PRKDC: variants seen among roughly 807,000 people sequenced by gnomAD.
The protein encoded by PRKDC is DNA-dependent protein kinase catalytic subunit.
Under a neutral mutation model 486.9 loss-of-function variants are expected in PRKDC, and 82 were observed. The observed-to-expected ratio is 0.17, with a 90% CI of 0.14 to 0.20. PRKDC has a LOEUF of 0.20. Among genes scored for constraint, PRKDC ranks in the 10% least tolerant of loss-of-function variants. The pLI is 1.00. For synonymous variants in PRKDC, 1,895 were observed against 1,837.0 expected (o/e 1.03, Z -0.81); for missense variants, 4,504 against 5,038.2 (o/e 0.89, Z 3.21).
At position 47,774,098 on chromosome 8, in the gene PRKDC, T is replaced by C. The variant is rs2086563512; in HGVS notation, c.*75A>G. 1 of 1,412,752 alleles carries C rather than the reference T, an allele frequency of 7.1e-7. No individual in the cohort carries two copies. The highest frequency in any genetic ancestry group is 2.6e-5 in the Admixed American group (1 of 38,182). 87.5% of individuals were successfully genotyped at this position (1,412,752 alleles called of 1,614,324 possible). A position where few individuals can be genotyped will look rare whatever the true frequency, so the allele number is the denominator to read the frequency against. ...TTAGTGTTTCAGGAAAATCAGCTCA[T>C]GGAATGCTGCCAACCAAAGTATAGT... On this transcript the variant is annotated 3_prime_UTR_variant, in exon 86 of 86. Transcript: ENST00000314191.
chr8:47,840,841 T>C (rs2088124508), intron 54 of PRKDC, among the ~76,000 whole-genome samples: 1 of 152,238 alleles, frequency 6.6e-6, no homozygotes, highest in African/African-American at 2.4e-5. Context: ...TGCATGTTTA[T>C]TGCTGTGTAA....
At chr8:47,932,998 A>G (rs1481637622) in intron 16 of PRKDC, 22 bp downstream of exon 16, 1 of 1,555,164 alleles carries the variant, frequency 6.4e-7, no homozygotes, top group Non-Finnish European at 8.7e-7. Context: ...ATGAAAAATT[A>G]CTACTGATAA....
intron 60 of PRKDC, 132 bp downstream of exon 60, chr8:47,831,682 G>T (rs1453113779): frequency 2.1e-6 from 2 of 942,294 alleles, no homozygotes; most frequent in Non-Finnish European, 3.4e-6. Context: ...CAGGAGGCTG[G>T]TTTGGAGCAG....
intron 74 of PRKDC, among the ~76,000 whole-genome samples, chr8:47,791,182 A>G (rs1230967995): frequency 6.6e-6 from 1 of 152,172 alleles, no homozygotes. Flanking sequence ...CAAGGAATTA[A>G]TAAGCAAAAT....
At position 47,777,670 on chromosome 8, in the gene PRKDC, A is replaced by G; in HGVS notation, c.12042+16T>C. On this transcript the variant is annotated intron_variant, in intron 84 of 85. Coordinates refer to ENST00000314191, the MANE Select transcript of PRKDC (RefSeq NM_006904.7). ...ACTGTCACAAAAGTGAAAAGTGCAC[A>G]TGAAACAAAACCTACTTTCCAATCA... 1 of 1,565,288 alleles carries G rather than the reference A, an allele frequency of 6.4e-7. No individual in the cohort carries two copies. Among genetic ancestry groups the G allele is most frequent in the Middle Eastern group, 1.8e-4 (1 of 5,632 alleles).
At chr8:47,831,762 T>A in intron 60 of PRKDC, 52 bp downstream of exon 60, 1 of 1,571,616 alleles carries the variant, frequency 6.4e-7, no homozygotes, top group South Asian at 1.1e-5. Context: ...TTCGTCTGTA[T>A]CCTGTGACAG....
At chr8:47,876,171 G>C (rs1054295908) in intron 40 of PRKDC, among the ~76,000 whole-genome samples, 3 of 152,074 alleles carry the variant, frequency 2.0e-5, no homozygotes, top group African/African-American at 7.2e-5. Flanking sequence ...ATATGGTGCT[G>C]GTTGCATACT....
chr8:47,798,125 C>T lies in PRKDC; in HGVS notation c.10458+112G>A, dbSNP rs1260674293. 12 of 1,129,572 alleles carry T rather than the reference C, an allele frequency of 1.1e-5. No homozygotes were observed. In the South Asian group the frequency reaches 2.6e-4, roughly 24 times the overall value. 70.0% of individuals were successfully genotyped at this position (1,129,572 alleles called of 1,614,324 possible). A position where few individuals can be genotyped will look rare whatever the true frequency, so the allele number is the denominator to read the frequency against. On this transcript the variant is annotated intron_variant, in intron 73 of 85. Coordinates refer to ENST00000314191, the MANE Select transcript of PRKDC (RefSeq NM_006904.7). The stretch of plus-strand genomic sequence containing the variant: ...AGAATGTAGCAGAATTCACAGCTGG[C>T]TGGGAAAAGCTATAATACATGCACT...
chr8:47,842,540 C>T (rs2088173791), intron 54 of PRKDC, among the ~76,000 whole-genome samples: 1 of 151,940 alleles, frequency 6.6e-6, no homozygotes, highest in Non-Finnish European at 1.5e-5. Context: ...TCAGCATACA[C>T]CACAGTCAAA....
intron 21 of PRKDC, among the ~76,000 whole-genome samples, chr8:47,920,174 G>C (rs1268498985): frequency 6.6e-6 from 1 of 152,154 alleles, no homozygotes; most frequent in Non-Finnish European, 1.5e-5. Flanking sequence ...CTCTGTTCCT[G>C]GCTCTCAGCT....
At chr8:47,950,009 G>A (rs1319133825) in intron 7 of PRKDC, among the ~76,000 whole-genome samples, 1 of 152,226 alleles carries the variant, frequency 6.6e-6, no homozygotes, top group Non-Finnish European at 1.5e-5. Context: ...GGTGGCTCAT[G>A]CCTTGTAATC....
Position 47,785,192 on chromosome 8 carries a change from G to A in PRKDC, c.11028C>T (p.Pro3676=). 1 of 1,613,828 alleles carries A rather than the reference G, an allele frequency of 6.2e-7. No homozygotes were observed. Among genetic ancestry groups the A allele is most frequent in the African/African-American group, 1.3e-5 (1 of 74,998 alleles). Residue 3676 remains proline, a synonymous_variant, in exon 77 of 86, where the codon CCC becomes CCT. Coordinates refer to ENST00000314191, the MANE Select transcript of PRKDC (RefSeq NM_006904.7). ...LLLKMNKDSK[P]PGNLKECSPW... is the part of the protein sequence containing the mutation. Reference sequence around the variant, plus strand: ...GTGAACATTCTTTCAGATTCCCAGGGGGCTTTGAGTCTTTGTTCATTTTTA... The same window carrying A: ...GTGAACATTCTTTCAGATTCCCAGGAGGCTTTGAGTCTTTGTTCATTTTTA...
In PRKDC at chr8:47,929,143, T is replaced by C; in HGVS notation, c.2088A>G (p.Glu696=). ...CAAAGCAAGAATACTTTTCTGGGTC[T>C]TCAGGAGAGTGTTTCAGACTCTTTG... is the stretch of plus-strand genomic sequence containing the variant. ...VSPKSLKHSP[E]DPEKYSCFAL... Residue 696 remains glutamate (E), a synonymous_variant, in exon 19 of 86, where the codon GAA becomes GAG. Transcript: ENST00000314191. 6.3e-7 allele frequency: 1 copy of C among 1,579,510 alleles called. No homozygotes were observed. The highest frequency in any genetic ancestry group is 8.6e-7 in the Non-Finnish European group (1 of 1,160,846).
intron 21 of PRKDC, among the ~76,000 whole-genome samples, chr8:47,921,804 GA>G (rs2154503172): frequency 6.6e-6 from 1 of 152,286 alleles, no homozygotes; most frequent in South Asian, 2.1e-4. Context: ...TTCTTTTTGA[GA>G]CAGAGTCTTG....
intron 54 of PRKDC, among the ~76,000 whole-genome samples, chr8:47,842,398 A>G (rs1433264389): frequency 2.0e-5 from 3 of 152,152 alleles, no homozygotes; most frequent in Non-Finnish European, 4.4e-5. Context: ...TCTAGTATCC[A>G]TCACCTGTGA....
At position 47,803,350 on chromosome 8, in the gene PRKDC, C is replaced by A. The variant is rs2154498351; in HGVS notation, c.9878G>T (p.Cys3293Phe). 1.2e-6 allele frequency: 2 copies of A among 1,614,012 alleles called. No homozygotes were observed. The highest frequency in any genetic ancestry group is 8.5e-7 in the Non-Finnish European group (1 of 1,179,878). The change falls in exon 70 of 86, where the codon TGC (cysteine) becomes TTC (phenylalanine). Residue 3293 changes from cysteine (C) to phenylalanine (F), a missense_variant. Coordinates refer to ENST00000314191, the MANE Select transcript of PRKDC (RefSeq NM_006904.7). ...CAGCACAGTGAGCACCTGCTCAGAGCAGCCCTGGGACCGGCTCCGGCAGTG... is the reference window on the plus strand; with the variant it reads ...CAGCACAGTGAGCACCTGCTCAGAGAAGCCCTGGGACCGGCTCCGGCAGTG... ...LSHCRSRSQG[C>F]SEQVLTVLKT... is the part of the protein sequence containing the mutation.
intron 70 of PRKDC, among the ~76,000 whole-genome samples, chr8:47,803,044 C>A (rs973743750): frequency 5.3e-5 from 8 of 152,202 alleles, no homozygotes; most frequent in Non-Finnish European, 1.5e-5. Flanking sequence ...ACCTCGGTCG[C>A]CCAAATTGCT....
chr8:47,803,067 G>T (rs1227936468), intron 70 of PRKDC, among the ~76,000 whole-genome samples: 1 of 152,178 alleles, frequency 6.6e-6, no homozygotes, highest in Non-Finnish European at 1.5e-5. Context: ...GATTACAGGC[G>T]TGAGCCACTG....
chr8:47,826,998 C>G (rs2087752685), intron 62 of PRKDC, 137 bp from the exon 63 acceptor site: 1 of 773,986 alleles, frequency 1.3e-6, no homozygotes, highest in Non-Finnish European at 1.9e-6. Flanking sequence ...CTGTGTAATG[C>G]TATTAACACA....
Sources: gnomAD v4.1 joint callset for allele counts (sites outside exome capture counted in the v4.1 genomes callset) on GRCh38, gnomAD v4.1.1 for gene constraint, MANE v1.5 for transcripts, NCBI Gene and HGNC (gene_info 2026-07-23, HGNC 2026-07-21) for gene names.